The following HIBCH variants were observed in gnomAD, a reference collection of about 807,000 sequenced individuals.
HIBCH encodes the protein 3-hydroxyisobutyryl-CoA hydrolase, also known as 3-hydroxyisobutyryl-CoA hydrolase, mitochondrial.
A neutral mutation model predicts 58.2 loss-of-function variants in HIBCH; 50 were observed. The ratio of observed to expected loss-of-function variants is 0.86; its 90% CI spans 0.68 to 1.09. The LOEUF is 1.09. Ranked by LOEUF, HIBCH falls within the 50% of genes least tolerant of loss-of-function variation. The probability of loss-of-function intolerance (pLI) is 0.00; values close to 1 mark genes in which losing one functional copy is unlikely to be tolerated. For synonymous variants in HIBCH, 151 were observed against 146.9 expected (o/e 1.03, Z -0.20); for missense variants, 450 against 449.7 (o/e 1.00, Z -0.01).
chr2:190,268,348 TTCAC>T (rs1687298943), intron 6 of HIBCH, among the ~76,000 whole-genome samples: 1 of 152,242 alleles, frequency 6.6e-6, no homozygotes, highest in African/African-American at 2.4e-5. Context: ...AACAATCATC[TTCAC>T]ATAGTAATAC....
Position 190,287,575 on chromosome 2 carries a change from A to C in HIBCH, c.438+11T>G, listed in dbSNP as rs1414998551. 3.7e-5 allele frequency: 59 copies of C among 1,578,244 alleles called. No homozygotes were observed. Among genetic ancestry groups the C allele is most frequent in the Non-Finnish European group, 4.8e-5 (55 of 1,147,666 alleles). ...CACTCATACAATGATCAGAGTAAAA[A>C]GTCTACTTACCCCACCCATTGTAAT... On this transcript the variant is annotated intron_variant, in intron 6 of 13. Coordinates refer to ENST00000359678, the MANE Select transcript of HIBCH (RefSeq NM_014362.4).
chr2:190,248,847 C>T (rs1245870962), intron 9 of HIBCH, among the ~76,000 whole-genome samples: 1 of 148,322 alleles, frequency 6.7e-6, no homozygotes, highest in African/African-American at 2.5e-5. Context: ...GGTGACAGAG[C>T]GAGACTCTGC....
chr2:190,298,966 T>C (rs1269189360), intron 2 of HIBCH, among the ~76,000 whole-genome samples: 1 of 152,230 alleles, frequency 6.6e-6, no homozygotes, highest in African/African-American at 2.4e-5. Flanking sequence ...TGCATATGGC[T>C]AGCCAGTTTT....
At chr2:190,265,629 T>C (rs966653825) in intron 6 of HIBCH, among the ~76,000 whole-genome samples, 2 of 152,202 alleles carry the variant, frequency 1.3e-5, no homozygotes, top group Non-Finnish European at 2.9e-5. Context: ...TTACAATTTA[T>C]TCATTTTGCT....
intron 6 of HIBCH, among the ~76,000 whole-genome samples, chr2:190,267,064 G>A (rs1687263662): frequency 6.6e-6 from 1 of 152,022 alleles, no homozygotes; most frequent in Non-Finnish European, 1.5e-5. Flanking sequence ...GCCAAGATTA[G>A]TCATTTTTAT....
intron 1 of HIBCH, among the ~76,000 whole-genome samples, chr2:190,311,464 A>G (rs1688557218): frequency 6.6e-6 from 1 of 152,244 alleles, no homozygotes; most frequent in Non-Finnish European, 1.5e-5. Flanking sequence ...TCTTAAGAAA[A>G]AAGGTTTGTT....
intron 11 of HIBCH, among the ~76,000 whole-genome samples, chr2:190,226,757 A>G (rs1685913267): frequency 6.6e-6 from 1 of 152,210 alleles, no homozygotes; most frequent in Non-Finnish European, 1.5e-5. Context: ...CAATGTGCAA[A>G]TATCACACGC....
intron 11 of HIBCH, among the ~76,000 whole-genome samples, chr2:190,238,362 T>A (rs1002351702): frequency 1.3e-4 from 20 of 152,348 alleles, no homozygotes; most frequent in African/African-American, 4.8e-4. Flanking sequence ...ATGATCTCCA[T>A]TCTAACTGGT....
At chr2:190,208,699 T>C (rs1031571403) in intron 13 of HIBCH, 181 bp downstream of exon 13, 43 of 594,020 alleles carry the variant, frequency 7.2e-5, no homozygotes, top group Non-Finnish European at 3.0e-5. Context: ...TTTTGGAATA[T>C]TTGCATTATA....
rs765112867 is a variant in HIBCH, at chr2:190,261,211, C to A, written c.462G>T (p.Gly154=). The change falls in exon 7 of 14, where the codon GGG becomes GGT. Residue 154 remains glycine, a synonymous_variant. Coordinates refer to ENST00000359678, the MANE Select transcript of HIBCH (RefSeq NM_014362.4). ...ACTTTTCTGTAGCCACTCGAAATTG[C>A]CCATGGACTGAGAGACCAACTCCCT... ...MGGGVGLSVH[G]QFRVATEKCL... is the part of the protein sequence containing the mutation. The A allele has an allele frequency of 2.5e-6, 4 of 1,613,276 alleles. No individual in the cohort carries two copies. In the South Asian group the frequency reaches 4.4e-5, roughly 18 times the overall value.
intron 11 of HIBCH, among the ~76,000 whole-genome samples, chr2:190,235,989 CTT>C (rs1686261986): frequency 6.6e-6 from 1 of 152,140 alleles, no homozygotes; most frequent in Non-Finnish European, 1.5e-5. Flanking sequence ...ATATGAAATA[CTT>C]TGTCATAGGT....
intron 7 of HIBCH, among the ~76,000 whole-genome samples, chr2:190,253,614 G>T (rs1287638682): frequency 6.6e-6 from 1 of 152,016 alleles, no homozygotes; most frequent in Non-Finnish European, 1.5e-5. Context: ...TTTTCCCTCT[G>T]AACTGTTCTC....
intron 1 of HIBCH, among the ~76,000 whole-genome samples, chr2:190,192,452 C>CTGTGTGTGTG (rs147936734): frequency 0.012 from 1,681 of 145,330 alleles, 23 homozygotes; most frequent in African/African-American, 0.021. Context: ...AATTCAGAAT[C>CTGTGTGTGTG]TGTGTGTGTG....
intron 12 of HIBCH, among the ~76,000 whole-genome samples, chr2:190,212,574 T>TTA (rs746843315): frequency 1.3e-5 from 2 of 152,272 alleles, no homozygotes; most frequent in South Asian, 2.1e-4. Flanking sequence ...TGCATTTACT[T>TTA]TATATATATA....
At position 190,317,418 on chromosome 2, in the gene HIBCH, T is replaced by C. The variant is rs191857013; in HGVS notation, c.35+2298A>G. On this transcript the variant is annotated intron_variant, in intron 1 of 13. Coordinates refer to ENST00000359678, the MANE Select transcript of HIBCH (RefSeq NM_014362.4). The stretch of plus-strand genomic sequence containing the variant: ...GTAGTCCAGAGTGGCTACAGGATAA[T>C]AGAAATGCCTAGAACTGTGCTTCCC... Among the ~76,000 whole-genome samples the C allele has an allele frequency of 6.8e-3, 1,034 of 152,308 alleles. 9 individuals are homozygous for C. The highest frequency in any genetic ancestry group is 0.024 in the African/African-American group (983 of 41,568).
intron 11 of HIBCH, among the ~76,000 whole-genome samples, chr2:190,222,052 A>T (rs1201377490): frequency 6.6e-6 from 1 of 152,184 alleles, no homozygotes; most frequent in East Asian, 1.9e-4. Flanking sequence ...AGCTGCTAAC[A>T]CGTAAGCCAT....
intron 7 of HIBCH, among the ~76,000 whole-genome samples, chr2:190,257,633 C>G (rs1249745795): frequency 1.3e-5 from 2 of 152,096 alleles, no homozygotes; most frequent in East Asian, 1.9e-4. Context: ...GTTGCTATGA[C>G]AGAATACCAC....
intron 10 of HIBCH, 45 bp downstream of exon 10, chr2:190,246,109 T>C: frequency 1.8e-6 from 2 of 1,094,300 alleles, no homozygotes; most frequent in Non-Finnish European, 2.8e-6. Context: ...CATTTTAACA[T>C]AGTCTTTCTA....
At chr2:190,311,584 C>T (rs1688560103) in intron 1 of HIBCH, among the ~76,000 whole-genome samples, 4 of 152,184 alleles carry the variant, frequency 2.6e-5, no homozygotes, top group Admixed American at 2.0e-4. Flanking sequence ...AAAATGATCA[C>T]ACCCTTCAAT....
Sources: gnomAD v4.1 joint callset for allele counts (sites outside exome capture counted in the v4.1 genomes callset) on GRCh38, gnomAD v4.1.1 for gene constraint, MANE v1.5 for transcripts, NCBI Gene and HGNC (gene_info 2026-07-23, HGNC 2026-07-21) for gene names.